The following PACRG variants were observed in gnomAD, a reference collection of about 807,000 sequenced individuals.
PACRG encodes parkin coregulated, also known as parkin coregulated gene protein.
A neutral mutation model predicts 29.7 loss-of-function variants in PACRG; 29 were observed. That is an observed-to-expected ratio of 0.98 (90% CI 0.73 to 1.33). PACRG has a LOEUF of 1.33. Among genes scored for constraint, PACRG ranks in the 40% most tolerant of loss-of-function variants. PACRG has a pLI of 0.00. For missense variants in PACRG, 279 were observed against 316.2 expected (o/e 0.88, Z 0.89); for synonymous variants, 116 against 118.7 (o/e 0.98, Z 0.15).
intron 2 of PACRG, among the ~76,000 whole-genome samples, chr6:162,967,278 G>T (rs868827396): frequency 1.3e-5 from 2 of 151,566 alleles, no homozygotes; most frequent in Admixed American, 6.6e-5. Context: ...GGTATCAAAT[G>T]TGTCTGGTCT....
At position 162,736,650 on chromosome 6, in the gene PACRG, C is replaced by CTT. The variant is rs35823927; in HGVS notation, c.156+8269_156+8270dup. ...TGTGGTTTTCAATCTTATTTTCTGC[C>CTT]TTTTTTTTTTTGCCATAAATAATTA... is the stretch of plus-strand genomic sequence containing the variant. On this transcript the variant is annotated intron_variant, in intron 1 of 4. Transcript: ENST00000366888. Among the ~76,000 whole-genome samples, 14 of 140,798 alleles carry CTT rather than the reference C, an allele frequency of 9.9e-5. No individual in the cohort carries two copies. The South Asian group carries it at 1.3e-3, about 14-fold the overall frequency. The allele number at this position is 140,798 out of a possible 152,430, so 92.4% of individuals were successfully genotyped here. A position where few individuals can be genotyped will look rare whatever the true frequency, so the allele number is the denominator to read the frequency against.
At chr6:162,846,685 A>G (rs1267877830) in intron 2 of PACRG, among the ~76,000 whole-genome samples, 2 of 152,234 alleles carry the variant, frequency 1.3e-5, no homozygotes, top group Non-Finnish European at 2.9e-5. Context: ...AATTTAGGAC[A>G]GAAGGCACCA....
At chr6:162,747,883 C>T (rs959496523) in intron 1 of PACRG, among the ~76,000 whole-genome samples, 1 of 151,982 alleles carries the variant, frequency 6.6e-6, no homozygotes, top group Non-Finnish European at 1.5e-5. Flanking sequence ...TTCTTAGTCT[C>T]CCATTAGGAG....
intron 2 of PACRG, among the ~76,000 whole-genome samples, chr6:162,823,576 A>T (rs1788022495): frequency 6.6e-6 from 1 of 150,924 alleles, no homozygotes; most frequent in Non-Finnish European, 1.5e-5. Context: ...CAGTGGTGCA[A>T]TCTCGGCTCA....
chr6:163,002,360 G>A (rs1804668697), intron 2 of PACRG, among the ~76,000 whole-genome samples: 1 of 152,114 alleles, frequency 6.6e-6, no homozygotes, highest in Non-Finnish European at 1.5e-5. Context: ...AGACTCATCT[G>A]TTTATCTTTA....
intron 1 of PACRG, among the ~76,000 whole-genome samples, chr6:162,792,562 C>T (rs1785044187): frequency 6.6e-6 from 1 of 152,144 alleles, no homozygotes. Context: ...GTCCAACTAT[C>T]TACACAGGCC....
At chr6:163,237,638 G>T (rs1341559169) in intron 4 of PACRG, among the ~76,000 whole-genome samples, 2 of 152,088 alleles carry the variant, frequency 1.3e-5, no homozygotes, top group African/African-American at 4.8e-5. Context: ...TGTCTCTAAG[G>T]CCACATTTCT....
At chr6:162,982,729 G>A (rs1204666255) in intron 2 of PACRG, among the ~76,000 whole-genome samples, 7 of 151,874 alleles carry the variant, frequency 4.6e-5, no homozygotes, top group African/African-American at 1.7e-4. Context: ...CTATCATATG[G>A]TCTATCTTGG....
At chr6:163,008,252 G>A (rs1008136302) in intron 2 of PACRG, among the ~76,000 whole-genome samples, 7 of 152,070 alleles carry the variant, frequency 4.6e-5, no homozygotes, top group Non-Finnish European at 8.8e-5. Context: ...CTCAAAGACA[G>A]ATCGCCACAG....
intron 4 of PACRG, among the ~76,000 whole-genome samples, chr6:163,267,374 A>G (rs1201775349): frequency 6.6e-6 from 1 of 152,228 alleles, no homozygotes; most frequent in Non-Finnish European, 1.5e-5. Context: ...TTGTTTAGTC[A>G]AGAAATGAGC....
intron 4 of PACRG, among the ~76,000 whole-genome samples, chr6:163,209,487 A>C (rs1585334578): frequency 6.6e-6 from 1 of 152,366 alleles, no homozygotes; most frequent in African/African-American, 2.4e-5. Context: ...TAGAGATTGA[A>C]TGATACCCAC....
chr6:163,238,588 G>C (rs1455445617), intron 4 of PACRG, among the ~76,000 whole-genome samples: 1 of 152,226 alleles, frequency 6.6e-6, no homozygotes, highest in Non-Finnish European at 1.5e-5. Context: ...ATCTGAAGAA[G>C]TCGTTTCATC....
chr6:162,960,925 A>G (rs11964804), intron 2 of PACRG, among the ~76,000 whole-genome samples: 23,706 of 60,382 alleles, frequency 0.39, 3,247 homozygotes, highest in African/African-American at 0.53. Context: ...CTCTTTCCCA[A>G]TAGTTAAGAG....
At chr6:162,778,522 C>T (rs965737790) in intron 1 of PACRG, among the ~76,000 whole-genome samples, 1 of 152,112 alleles carries the variant, frequency 6.6e-6, no homozygotes, top group African/African-American at 2.4e-5. Flanking sequence ...CCAATACAAA[C>T]TTAGAGGTTG....
At chr6:163,294,046 C>T in intron 4 of PACRG, among the ~76,000 whole-genome samples, 1 of 143,024 alleles carries the variant, frequency 7.0e-6, no homozygotes, top group Admixed American at 6.7e-5. Context: ...ATTTCTTTAC[C>T]CCCCAAAAAA....
intron 3 of PACRG, among the ~76,000 whole-genome samples, chr6:163,084,841 C>CATATATTATATT (rs1163859323): frequency 3.6e-5 from 3 of 84,202 alleles, no homozygotes; most frequent in African/African-American, 1.5e-4. Context: ...CTCATATATA[C>CATATATTATATT]ATATGTGTGC....
At position 163,258,347 on chromosome 6, in the gene PACRG, C is replaced by T. The variant is rs571322069; in HGVS notation, c.614-56480C>T. ...GGATTTCTTGCATTGTGGAATATAC[C>T]TTCCAGCAGACTCCTTTAGATGGGC... is the stretch of plus-strand genomic sequence containing the variant. On this transcript the variant is annotated intron_variant, in intron 4 of 4. Transcript: ENST00000366888. Among the ~76,000 whole-genome samples, 19 of 152,176 alleles carry T rather than the reference C, an allele frequency of 1.2e-4. No homozygotes were observed. In the South Asian group the frequency reaches 3.1e-3, roughly 25 times the overall value.
intron 2 of PACRG, among the ~76,000 whole-genome samples, chr6:162,994,695 C>T (rs980370802): frequency 3.6e-5 from 5 of 140,484 alleles, no homozygotes; most frequent in South Asian, 2.3e-4. Context: ...AATGTCCTCC[C>T]GTAGCTCAGA....
At chr6:163,004,195 ATAT>A (rs1402640459) in intron 2 of PACRG, among the ~76,000 whole-genome samples, 3 of 150,724 alleles carry the variant, frequency 2.0e-5, no homozygotes, top group Admixed American at 1.3e-4. Flanking sequence ...TTGAACATAT[ATAT>A]TATTATATAT....
Sources: gnomAD v4.1 joint callset for allele counts (sites outside exome capture counted in the v4.1 genomes callset) on GRCh38, gnomAD v4.1.1 for gene constraint, MANE v1.5 for transcripts, NCBI Gene and HGNC (gene_info 2026-07-23, HGNC 2026-07-21) for gene names.